TRERF1: variants seen among roughly 807,000 people sequenced by gnomAD.
TRERF1 encodes the protein transcriptional regulating factor 1, also known as transcriptional-regulating factor 1.
TRERF1 carries 27 observed loss-of-function variants against 122.9 expected under a neutral mutation model. That is an observed-to-expected ratio of 0.22 (90% CI 0.16 to 0.30). The LOEUF (loss-of-function observed/expected upper bound fraction) is 0.30. Among genes scored for constraint, TRERF1 ranks in the 10% least tolerant of loss-of-function variants. TRERF1 has a pLI of 1.00. For synonymous variants in TRERF1, 636 were observed against 641.7 expected (o/e 0.99, Z 0.13); for missense variants, 1,248 against 1,560.3 (o/e 0.80, Z 3.37).
exon 16 of TRERF1, chr6:42,236,240 C>T (rs758516790): frequency 6.2e-7 from 1 of 1,605,184 alleles, no homozygotes; most frequent in African/African-American, 1.3e-5. Context: ...ATGAAGGAGC[C>T]TGAGGGCTGG....
At chr6:42,272,579 T>C (rs1780424276) in intron 4 of TRERF1, among the ~76,000 whole-genome samples, 1 of 152,176 alleles carries the variant, frequency 6.6e-6, no homozygotes, top group Non-Finnish European at 1.5e-5. Context: ...GTGAGTCATG[T>C]CCAGATGAAA....
intron 2 of TRERF1, among the ~76,000 whole-genome samples, chr6:42,365,617 T>C (rs1380793906): frequency 6.6e-6 from 1 of 152,204 alleles, no homozygotes; most frequent in East Asian, 1.9e-4. Context: ...TTTTAGCCTC[T>C]ATCTATAGAT....
At chr6:42,428,555 T>A (rs1251679803) in intron 2 of TRERF1, among the ~76,000 whole-genome samples, 1 of 152,224 alleles carries the variant, frequency 6.6e-6, no homozygotes, top group Non-Finnish European at 1.5e-5. Flanking sequence ...TTCACACATC[T>A]TACATCACAG....
chr6:42,365,008 T>C (rs376313894), intron 2 of TRERF1, among the ~76,000 whole-genome samples: 11 of 152,216 alleles, frequency 7.2e-5, no homozygotes, highest in Non-Finnish European at 1.3e-4. Context: ...CGAGCCCAGA[T>C]GCAGGTCAGC....
intron 2 of TRERF1, among the ~76,000 whole-genome samples, chr6:42,368,568 G>A (rs1176662676): frequency 1.3e-5 from 2 of 152,064 alleles, no homozygotes; most frequent in African/African-American, 4.8e-5. Flanking sequence ...TGGAACTTAC[G>A]GTATACACAA....
chr6:42,299,019 T>C (rs777064605), intron 4 of TRERF1, among the ~76,000 whole-genome samples: 13 of 151,810 alleles, frequency 8.6e-5, no homozygotes, highest in Non-Finnish European at 1.6e-4. Context: ...GGTGAGAGTA[T>C]CATTTGAGCC....
intron 8 of TRERF1, among the ~76,000 whole-genome samples, chr6:42,262,555 GA>G (rs1778326690): frequency 7.8e-6 from 1 of 128,732 alleles, no homozygotes. Context: ...GAGAGAGAGA[GA>G]GAGAGAGAGA....
intron 2 of TRERF1, among the ~76,000 whole-genome samples, chr6:42,437,947 A>C (rs777156238): frequency 6.6e-6 from 1 of 151,886 alleles, no homozygotes; most frequent in Non-Finnish European, 1.5e-5. Context: ...TTTGAGACAG[A>C]GTATTACTCT....
rs974058418 is a variant in TRERF1 at position 42,298,594 on chromosome 6, C to A, written c.-259+2044G>T. 1.2e-4 allele frequency among the ~76,000 whole-genome samples: 18 copies of A among 147,672 alleles called. 1 individual carries two copies. In the South Asian group the frequency reaches 3.6e-3, roughly 30 times the overall value. ...CTGAAGTGGGTGGATCACTGGAGGT[C>A]AGGAGTTCGAGACCAGCCTGGCCAA... On this transcript the variant is annotated intron_variant, in intron 4 of 17. Transcript: ENST00000372922.
intron 3 of TRERF1, among the ~76,000 whole-genome samples, chr6:42,313,289 A>T (rs1761970990): frequency 6.6e-6 from 1 of 152,178 alleles, no homozygotes; most frequent in South Asian, 2.1e-4. Flanking sequence ...AACTCTAAGT[A>T]TGAAGCTCCT....
At chr6:42,370,556 C>T (rs768603001) in intron 2 of TRERF1, among the ~76,000 whole-genome samples, 6 of 152,152 alleles carry the variant, frequency 3.9e-5, no homozygotes, top group Non-Finnish European at 8.8e-5. Flanking sequence ...AACCATGAAC[C>T]AAGGCATTAT....
At chr6:42,420,277 A>G (rs1048997020) in intron 2 of TRERF1, among the ~76,000 whole-genome samples, 6 of 152,174 alleles carry the variant, frequency 3.9e-5, no homozygotes, top group Non-Finnish European at 7.3e-5. Flanking sequence ...TTTGTAGCTA[A>G]AACAGAAAAG....
At chr6:42,405,459 A>G (rs1452325158) in intron 2 of TRERF1, among the ~76,000 whole-genome samples, 1 of 152,188 alleles carries the variant, frequency 6.6e-6, no homozygotes, top group African/African-American at 2.4e-5. Flanking sequence ...ACGTTCAATT[A>G]CAAAGCAAAA....
At chr6:42,401,544 C>G (rs1002259452) in intron 2 of TRERF1, among the ~76,000 whole-genome samples, 1 of 152,158 alleles carries the variant, frequency 6.6e-6, no homozygotes, top group African/African-American at 2.4e-5. Flanking sequence ...GATAAGCATA[C>G]AGACATGCAC....
At chr6:42,387,308 C>T (rs1173858856) in intron 2 of TRERF1, among the ~76,000 whole-genome samples, 1 of 152,216 alleles carries the variant, frequency 6.6e-6, no homozygotes, top group Non-Finnish European at 1.5e-5. Flanking sequence ...ATTTAGCTCA[C>T]ACGCTGCAAA....
intron 3 of TRERF1, among the ~76,000 whole-genome samples, chr6:42,311,756 A>G (rs1374775999): frequency 1.6e-5 from 2 of 127,816 alleles, no homozygotes; most frequent in Non-Finnish European, 3.2e-5. Context: ...ACTGAGCAAG[A>G]CTCCGTCTCA....
chr6:42,395,933 C>T (rs1175823984), intron 2 of TRERF1, among the ~76,000 whole-genome samples: 2 of 152,120 alleles, frequency 1.3e-5, no homozygotes, highest in Admixed American at 6.5e-5. Flanking sequence ...GGATTGACCA[C>T]ACTGTTCAAC....
intron 3 of TRERF1, among the ~76,000 whole-genome samples, chr6:42,351,430 T>C (rs541316693): frequency 6.6e-6 from 1 of 152,242 alleles, no homozygotes; most frequent in South Asian, 2.1e-4. Flanking sequence ...ATATGTCGGC[T>C]TTAAAACTCA....
At chr6:42,285,647 A>C (rs35518925) in intron 4 of TRERF1, among the ~76,000 whole-genome samples, 3,621 of 149,500 alleles carry the variant, frequency 0.024, 22 homozygotes, top group Non-Finnish European at 0.033. Flanking sequence ...ATTATTTTGA[A>C]ATACGTCCCA....
Sources: allele counts gnomAD v4.1 joint callset (sites outside exome capture counted in the v4.1 genomes callset), GRCh38; gene constraint gnomAD v4.1.1; transcripts MANE v1.5; gene names NCBI Gene and HGNC (gene_info 2026-07-23, HGNC 2026-07-21).